The following CUX1 variants were observed in gnomAD, a reference collection of about 807,000 sequenced individuals.
The protein encoded by CUX1 is protein CASP.
Under a neutral mutation model 158.8 loss-of-function variants are expected in CUX1, and 31 were observed. The ratio of observed to expected loss-of-function variants is 0.20; its 90% CI spans 0.15 to 0.26. The LOEUF (loss-of-function observed/expected upper bound fraction) is 0.26, where lower values mean the gene tolerates loss of function less well. CUX1 is among the 10% of genes least tolerant of loss of function. The pLI is 1.00. For missense variants in CUX1, 1,589 were observed against 2,014.6 expected (o/e 0.79, Z 4.04); for synonymous variants, 879 against 862.1 (o/e 1.02, Z -0.34).
downstream of CUX1, among the ~76,000 whole-genome samples, chr7:102,258,417 A>G (rs1335188249): frequency 1.3e-5 from 2 of 152,090 alleles, no homozygotes; most frequent in African/African-American, 4.8e-5. Flanking sequence ...TCTAGGATAC[A>G]TGGGGATCTC....
At chr7:101,930,817 C>T (rs376286917) in intron 2 of CUX1, among the ~76,000 whole-genome samples, 1 of 152,202 alleles carries the variant, frequency 6.6e-6, no homozygotes, top group South Asian at 2.1e-4. Flanking sequence ...GGTGTTGGTG[C>T]TGAGCATGGT....
At chr7:102,140,762 G>A (rs963080727) in intron 8 of CUX1, among the ~76,000 whole-genome samples, 7 of 151,912 alleles carry the variant, frequency 4.6e-5, no homozygotes, top group African/African-American at 1.7e-4. Flanking sequence ...CTATTGGGGA[G>A]GCTGAGGCAG....
chr7:102,152,423 T>A (rs1267217184), intron 8 of CUX1, among the ~76,000 whole-genome samples: 6 of 151,416 alleles, frequency 4.0e-5, no homozygotes, highest in African/African-American at 1.5e-4. Flanking sequence ...TTGTTTTTGT[T>A]TGTTTGTTTT....
rs575976169 is a variant in CUX1 at position 102,025,350 on chromosome 7, G to A, written c.142-2748G>A. ...TTATATAAAAAGAGATTGGTGGCCA[G>A]GCATGGTGGCTCACGCCTGTAATCC... On this transcript the variant is annotated intron_variant, in intron 2 of 23. Transcript: ENST00000292535. 4.3e-3 allele frequency among the ~76,000 whole-genome samples: 660 copies of A among 152,192 alleles called. 5 individuals carry two copies. Among genetic ancestry groups the A allele is most frequent in the African/African-American group, 0.015 (616 of 41,526 alleles).
At chr7:101,920,942 T>C (rs908095841) in intron 2 of CUX1, among the ~76,000 whole-genome samples, 7 of 152,200 alleles carry the variant, frequency 4.6e-5, no homozygotes, top group East Asian at 1.9e-4. Context: ...CCTCTCCTTA[T>C]AGCCTCCAGA....
chr7:102,266,203 CAAAAAAAA>C (rs34666659), intron 14 of CUX1, among the ~76,000 whole-genome samples: 1,167 of 100,960 alleles, frequency 0.012, 20 homozygotes, highest in African/African-American at 0.04. Context: ...GACTCCGTTT[CAAAAAAAA>C]AAAAAAAAAG....
rs78359248 is a variant in CUX1 at position 102,201,025 on chromosome 7, T to TAAAAAAAAAAAAAAAAAAAAA, written c.2063-326_2063-306dup. On this transcript the variant is annotated intron_variant, in intron 17 of 23. Coordinates refer to ENST00000292535, the MANE Select transcript of CUX1 (RefSeq NM_181552.4). This position sits in a 1 kb window ranked among gnomAD's most constrained non-coding sequence, Gnocchi z 5.0. ...CTGGACAACAGCGAGATCCTGTCGC[T>TAAAAAAAAAAAAAAAAAAAAA]AAAAAAAAAAAAAAAAAAAAAAAAA... Among the ~76,000 whole-genome samples, 10 of 42,140 alleles carry TAAAAAAAAAAAAAAAAAAAAA rather than the reference T, an allele frequency of 2.4e-4. No individual in the cohort carries two copies. The highest frequency in any genetic ancestry group is 1.0e-3 in the African/African-American group (10 of 9,698). The allele number at this position is 42,140 out of a possible 152,430, so 27.6% of individuals were successfully genotyped here. A position where few individuals can be genotyped will look rare whatever the true frequency, so the allele number is the denominator to read the frequency against.
chr7:102,243,659 T>C (rs1343007957), intron 23 of CUX1, among the ~76,000 whole-genome samples: 2 of 146,130 alleles, frequency 1.4e-5, no homozygotes, highest in Non-Finnish European at 3.0e-5. Flanking sequence ...ATAATAATAA[T>C]AATAATAATA....
At chr7:102,060,277 CAA>C (rs542920533) in intron 3 of CUX1, among the ~76,000 whole-genome samples, 1 of 142,510 alleles carries the variant, frequency 7.0e-6, no homozygotes, top group African/African-American at 2.6e-5. Flanking sequence ...GACTCTGTCT[CAA>C]AAAAAAAAAA....
At chr7:102,078,108 G>A (rs937511775) in intron 4 of CUX1, among the ~76,000 whole-genome samples, 21 of 151,952 alleles carry the variant, frequency 1.4e-4, no homozygotes, top group Non-Finnish European at 1.9e-4. Flanking sequence ...TTTTAGCAGC[G>A]GGGTCTCTGT....
At chr7:101,910,249 C>T (rs1803265657) in intron 1 of CUX1, among the ~76,000 whole-genome samples, 1 of 152,142 alleles carries the variant, frequency 6.6e-6, no homozygotes, top group Non-Finnish European at 1.5e-5. Flanking sequence ...TGGGCTCAAA[C>T]GATCCTCCCG....
intron 5 of CUX1, among the ~76,000 whole-genome samples, chr7:102,103,489 G>A (rs1201489304): frequency 6.6e-6 from 1 of 151,942 alleles, no homozygotes; most frequent in Non-Finnish European, 1.5e-5. Context: ...GGAGTACAGT[G>A]GCGCAATCAT....
intron 11 of CUX1, among the ~76,000 whole-genome samples, chr7:102,188,345 A>G (rs1554515890): frequency 6.6e-6 from 1 of 152,198 alleles, no homozygotes; most frequent in Non-Finnish European, 1.5e-5. Context: ...CCGCCCCTCC[A>G]TATTCTTGTT....
chr7:102,063,025 A>G (rs1825105968), intron 3 of CUX1, among the ~76,000 whole-genome samples: 1 of 152,024 alleles, frequency 6.6e-6, no homozygotes, highest in Non-Finnish European at 1.5e-5. Context: ...GAATCTCTTG[A>G]ACCTGGGCGG....
At chr7:101,886,042 G>A (rs1800189409) in intron 1 of CUX1, among the ~76,000 whole-genome samples, 1 of 152,182 alleles carries the variant, frequency 6.6e-6, no homozygotes, top group Non-Finnish European at 1.5e-5. Flanking sequence ...CCATGCCTCT[G>A]TGGGGGACAC....
At chr7:102,158,421 C>T (rs1790028615) in intron 8 of CUX1, 139 bp from the exon 9 acceptor site, 1 of 700,670 alleles carries the variant, frequency 1.4e-6, no homozygotes, top group African/African-American at 1.8e-5. Flanking sequence ...AGTGTGAGCC[C>T]ACCTCCTCCT....
intron 1 of CUX1, among the ~76,000 whole-genome samples, chr7:101,864,460 C>T (rs537958270): frequency 1.3e-5 from 2 of 152,114 alleles, no homozygotes; most frequent in East Asian, 1.9e-4. Flanking sequence ...CCATGCCTAG[C>T]CTGGATTTTT....
Position 101,874,643 on chromosome 7 carries a change from G to A in CUX1, c.31-41472G>A, listed in dbSNP as rs116011495. On this transcript the variant is annotated intron_variant, in intron 1 of 23. Coordinates refer to ENST00000292535, the MANE Select transcript of CUX1 (RefSeq NM_181552.4). ...GTCACTGGCCCAGGTCCTCAAGCTG[G>A]CCAGTGTGGCCCGGTCTGACCCCGA... Among the ~76,000 whole-genome samples, 962 of 152,266 alleles carry A rather than the reference G, an allele frequency of 6.3e-3. 14 individuals carry two copies. The highest frequency in any genetic ancestry group is 0.019 in the African/African-American group (802 of 41,550).
At chr7:101,954,969 G>A (rs1585083789) in intron 2 of CUX1, among the ~76,000 whole-genome samples, 2 of 152,196 alleles carry the variant, frequency 1.3e-5, no homozygotes, top group Admixed American at 6.5e-5. Context: ...CCAGGAGTTC[G>A]AGACCAGCCT....
Sources: allele counts gnomAD v4.1 joint callset (sites outside exome capture counted in the v4.1 genomes callset), GRCh38; gene constraint gnomAD v4.1.1; non-coding constraint Gnocchi (gnomAD v3.1); transcripts MANE v1.5; gene names NCBI Gene and HGNC (gene_info 2026-07-23, HGNC 2026-07-21).